Variants in PHF3 observed in about 807,000 individuals in gnomAD.
The protein encoded by PHF3 is PHD finger protein 3.
In PHF3, 41 loss-of-function variants were observed where a neutral mutation model predicts 178.4. The observed-to-expected ratio is 0.23, with a 90% confidence interval of 0.18 to 0.30. PHF3 has a LOEUF of 0.30. PHF3 is among the 10% of genes least tolerant of loss of function. PHF3 has a pLI of 1.00. For synonymous variants in PHF3, 842 were observed against 800.5 expected (o/e 1.05, Z -0.88); for missense variants, 2,346 against 2,398.1 (o/e 0.98, Z 0.45).
intron 4 of PHF3, among the ~76,000 whole-genome samples, chr6:63,688,498 G>A (rs2149588569): frequency 1.3e-5 from 2 of 150,156 alleles, no homozygotes; most frequent in Middle Eastern, 6.8e-3. Context: ...ACCATGCCCA[G>A]CTTATTTTGT....
chr6:63,635,893 C>T lies in PHF3; in HGVS notation c.-283C>T. ...GTCTCGCGCCGTCGCACCGTCCCCA[C>T]GCGGCAAGCGACCTTCGGGCTCAGG... On this transcript the variant is annotated 5_prime_UTR_variant, in exon 1 of 16. The change creates a new upstream start codon in the 5' untranslated region. Transcript: ENST00000262043. 1 of 397,898 alleles carries T rather than the reference C, an allele frequency of 2.5e-6. No individual in the cohort carries two copies. The highest frequency in any genetic ancestry group is 4.4e-6 in the Non-Finnish European group (1 of 225,578). 24.6% of individuals were successfully genotyped at this position (397,898 alleles called of 1,614,324 possible).
chr6:63,645,810 A>G (rs528009380), intron 1 of PHF3, among the ~76,000 whole-genome samples: 2 of 152,290 alleles, frequency 1.3e-5, no homozygotes, highest in African/African-American at 4.8e-5. Context: ...ACACATAACT[A>G]AAATAAATCT....
At chr6:63,707,266 CT>C (rs1232871010) in intron 13 of PHF3, among the ~76,000 whole-genome samples, 1 of 152,168 alleles carries the variant, frequency 6.6e-6, no homozygotes, top group South Asian at 2.1e-4. Flanking sequence ...TTCCCCACTG[CT>C]TATGTTTCCC....
intron 14 of PHF3, among the ~76,000 whole-genome samples, chr6:63,710,785 A>G (rs566355658): frequency 1.3e-5 from 2 of 152,278 alleles, no homozygotes; most frequent in South Asian, 4.2e-4. Context: ...CAAGAACATA[A>G]GCAGCCCTTT....
chr6:63,669,960 T>C (rs1289266013), intron 2 of PHF3, among the ~76,000 whole-genome samples: 1 of 152,220 alleles, frequency 6.6e-6, no homozygotes, highest in Non-Finnish European at 1.5e-5. Flanking sequence ...GTTCCAAATT[T>C]ATTACAGAGT....
chr6:63,664,953 C>A (rs1413332845), intron 2 of PHF3, among the ~76,000 whole-genome samples: 4 of 151,976 alleles, frequency 2.6e-5, no homozygotes, highest in Non-Finnish European at 4.4e-5. Context: ...TAGAACATTT[C>A]TGCCATCTTT....
rs371641813 is a variant in PHF3, at chr6:63,639,657, G to T, written c.-26+3507G>T. Among the ~76,000 whole-genome samples the T allele has an allele frequency of 5.9e-5, 9 of 152,080 alleles. No homozygotes were observed. In the East Asian group the frequency reaches 9.6e-4, roughly 16 times the overall value. ...AGGAATATTGGGTATGTGACCTTGG[G>T]CAAATTATGTAATTATCTAGGTCTC... On this transcript the variant is annotated intron_variant, in intron 1 of 15. Transcript: ENST00000262043.
At chr6:63,672,701 T>G (rs1206168435) in intron 2 of PHF3, among the ~76,000 whole-genome samples, 1 of 152,154 alleles carries the variant, frequency 6.6e-6, no homozygotes, top group Non-Finnish European at 1.5e-5. Flanking sequence ...CTTCTATATT[T>G]GAGTCCTTGT....
chr6:63,646,884 C>CTTTTTT, intron 2 of PHF3, 89 bp downstream of exon 2: 1 of 594,612 alleles, frequency 1.7e-6, no homozygotes, highest in Non-Finnish European at 2.1e-6. Context: ...TTCTTTTTTT[C>CTTTTTT]TTTTTTTTTT....
Position 63,694,620 on chromosome 6 carries a change from A to G in PHF3, c.2536A>G (p.Asn846Asp). Reference protein sequence around the residue: ...EGRNSSDCRDNEIKKWQLAPL... With the variant: ...EGRNSSDCRDDEIKKWQLAPL... ...CAGAAATTCATCAGACTGTAGAGAT[A>G]ATGAAATTAAAAAATGGCAGCTAGC... Residue 846 changes from asparagine to aspartate, a missense_variant, in exon 6 of 16, where the codon AAT becomes GAT. Physicochemically the swap from Asn to Asp is conservative, Grantham distance 23 (BLOSUM62 1). Transcript: ENST00000262043. 1 of 1,580,388 alleles carries G rather than the reference A, an allele frequency of 6.3e-7. No homozygotes were observed. Among genetic ancestry groups the G allele is most frequent in the South Asian group, 1.2e-5 (1 of 85,930 alleles).
chr6:63,668,565 C>T (rs1765775622), intron 2 of PHF3, among the ~76,000 whole-genome samples: 1 of 152,102 alleles, frequency 6.6e-6, no homozygotes, highest in Non-Finnish European at 1.5e-5. Context: ...TAGTCTTGAA[C>T]TCCTGGGCTC....
Position 63,724,760 on chromosome 6 carries a change from T to TA in PHF3, c.*11053dup, listed in dbSNP as rs1768548102. ...CTCAAATTATTAACCTCTAAAGAGATACAGAAACCATGTTAATTTAGAATT... is the reference window on the plus strand; with the variant it reads ...CTCAAATTATTAACCTCTAAAGAGATAACAGAAACCATGTTAATTTAGAATT... On this transcript the variant is annotated 3_prime_UTR_variant, in exon 16 of 16. Transcript: ENST00000262043. Among the ~76,000 whole-genome samples the TA allele has an allele frequency of 6.6e-6, 1 of 152,168 alleles. No homozygotes were observed. Among genetic ancestry groups the TA allele is most frequent in the Admixed American group, 6.5e-5 (1 of 15,280 alleles).
rs1430805337 is a variant in PHF3 at position 63,711,996 on chromosome 6, C to T, written c.4408C>T (p.Leu1470Phe). 1 of 1,613,726 alleles carries T rather than the reference C, an allele frequency of 6.2e-7. No individual in the cohort carries two copies. Among genetic ancestry groups the T allele is most frequent in the Admixed American group, 1.7e-5 (1 of 59,954 alleles). ...TAAACCTCTTCCTGTGGATGATATA[C>T]TTCAAAGCCTTTTGGGCACCACTGG... ...ANKPLPVDDI[L>F]QSLLGTTGQV... The change falls in exon 16 of 16, where the codon CTT becomes TTT. Residue 1470 changes from leucine (L) to phenylalanine (F), a missense_variant. By Grantham distance (22) the Leu-to-Phe change is conservative. Coordinates refer to ENST00000262043, the MANE Select transcript of PHF3 (RefSeq NM_001370348.2).
At chr6:63,665,487 T>TTTG (rs1765642150) in intron 2 of PHF3, among the ~76,000 whole-genome samples, 1 of 48,834 alleles carries the variant, frequency 2.0e-5, no homozygotes, top group African/African-American at 1.6e-4. Flanking sequence ...TTTTTTTTTG[T>TTTG]TTTTTTTTTT....
intron 10 of PHF3, 53 bp from the exon 11 acceptor site, chr6:63,703,483 A>G: frequency 6.4e-7 from 1 of 1,556,646 alleles, no homozygotes. Flanking sequence ...GATTTTGATA[A>G]TTGAGGCCAA....
chr6:63,669,623 C>G (rs1327327259), intron 2 of PHF3, among the ~76,000 whole-genome samples: 1 of 151,970 alleles, frequency 6.6e-6, no homozygotes, highest in African/African-American at 2.4e-5. Context: ...ACAAATAAAC[C>G]ATATTAAAGT....
In PHF3 at chr6:63,685,258, A is replaced by C. The variant is rs1250917038; in HGVS notation, c.1536A>C (p.Ala512=). The C allele has an allele frequency of 6.2e-7, 1 of 1,614,010 alleles. No individual in the cohort carries two copies. The highest frequency in any genetic ancestry group is 8.5e-7 in the Non-Finnish European group (1 of 1,180,018). ...ATGCTCCGAAGAAAATTGTTGCAGC[A>C]AAGTATGAAGTAATACATAGCAAAA... ...TTDAPKKIVA[A]KYEVIHSKTK... is the part of the protein sequence containing the mutation. The change falls in exon 4 of 16, where the codon GCA becomes GCC. Residue 512 remains alanine (A), a synonymous_variant. Coordinates refer to ENST00000262043, the MANE Select transcript of PHF3 (RefSeq NM_001370348.2).
chr6:63,681,325 T>C (rs1047605737), intron 3 of PHF3, among the ~76,000 whole-genome samples: 2 of 152,066 alleles, frequency 1.3e-5, no homozygotes, highest in South Asian at 4.1e-4. Context: ...AGACACTCAG[T>C]AGATCCTGTT....
At chr6:63,649,066 G>C (rs960436097) in intron 2 of PHF3, among the ~76,000 whole-genome samples, 1 of 150,560 alleles carries the variant, frequency 6.6e-6, no homozygotes, top group Non-Finnish European at 1.5e-5. Flanking sequence ...AGAGATAATT[G>C]CAAAAAAGAA....
Sources: allele counts gnomAD v4.1 joint callset (sites outside exome capture counted in the v4.1 genomes callset), GRCh38; gene constraint gnomAD v4.1.1; transcripts MANE v1.5; gene names NCBI Gene and HGNC (gene_info 2026-07-23, HGNC 2026-07-21).